Variants in BCAS3 observed in about 807,000 individuals in gnomAD.
The protein encoded by BCAS3 is BCAS3 microtubule associated cell migration factor.
In BCAS3, 53 loss-of-function variants were observed where a neutral mutation model predicts 116.1. That is an observed-to-expected ratio of 0.46 (90% CI 0.37 to 0.57). The LOEUF is 0.57. Ranked by LOEUF, BCAS3 falls within the 20% of genes least tolerant of loss-of-function variation. The pLI, the probability that BCAS3 is intolerant of heterozygous loss-of-function variation, is 0.00. For synonymous variants in BCAS3, 391 were observed against 408.2 expected (o/e 0.96, Z 0.51); for missense variants, 917 against 1,165.4 (o/e 0.79, Z 3.10).
rs571216756 is a variant in BCAS3, at chr17:61,318,236, T to A, written c.2426-50091T>A. ...TCAGCTCTTCATTTAAGATATAAGC[T>A]GTGGCCCAAAGTTACTGAGGGTTCT... On this transcript the variant is annotated intron_variant, in intron 22 of 23. Coordinates refer to ENST00000407086, the MANE Select transcript of BCAS3 (RefSeq NM_017679.5). Among the ~76,000 whole-genome samples, 3 of 152,208 alleles carry A rather than the reference T, an allele frequency of 2.0e-5. No individual in the cohort carries two copies. In the East Asian group the frequency reaches 5.8e-4, roughly 29 times the overall value.
chr17:60,807,781 CAAAA>C (rs75176396), intron 6 of BCAS3, among the ~76,000 whole-genome samples: 1 of 64,452 alleles, frequency 1.6e-5, no homozygotes, highest in Non-Finnish European at 3.3e-5. Flanking sequence ...GACTCTGTCT[CAAAA>C]AAAAAAAAAA....
At position 61,313,920 on chromosome 17, in the gene BCAS3, G is replaced by C. The variant is rs1602612242; in HGVS notation, c.2426-54407G>C. On this transcript the variant is annotated intron_variant, in intron 22 of 23. Coordinates refer to ENST00000407086, the MANE Select transcript of BCAS3 (RefSeq NM_017679.5). This position sits in a 1 kb window ranked among gnomAD's most constrained non-coding sequence, Gnocchi z 4.3. ...CCCCACTCGCCCGGCCCCATACTTA[G>C]TGCTGGCTCCAGAGTCTCGTGGGGG... is the stretch of plus-strand genomic sequence containing the variant. 6.6e-6 allele frequency among the ~76,000 whole-genome samples: 1 copy of C among 152,192 alleles called. No homozygotes were observed. Among genetic ancestry groups the C allele is most frequent in the South Asian group, 2.1e-4 (1 of 4,828 alleles).
chr17:61,120,623 AC>A (rs1568397049), intron 22 of BCAS3, among the ~76,000 whole-genome samples: 2 of 152,032 alleles, frequency 1.3e-5, no homozygotes, highest in African/African-American at 4.8e-5. Flanking sequence ...TTTATATGCT[AC>A]CCCGCTACTC....
Position 60,693,451 on chromosome 17 carries a change from C to A in BCAS3, c.214+3690C>A, listed in dbSNP as rs1006422930. Among the ~76,000 whole-genome samples, 118 of 151,614 alleles carry A rather than the reference C, an allele frequency of 7.8e-4. 1 individual carries two copies. The highest frequency in any genetic ancestry group is 1.2e-3 in the Non-Finnish European group (79 of 67,990). On this transcript the variant is annotated intron_variant, in intron 4 of 23. Coordinates refer to ENST00000407086, the MANE Select transcript of BCAS3 (RefSeq NM_017679.5). ...TTTGACAGAGTCTCACTTTTTCACC[C>A]AGGCTGGAGTGCAGTGGCCTGAACT...
intron 22 of BCAS3, among the ~76,000 whole-genome samples, chr17:61,266,456 A>G (rs547811459): frequency 1.3e-5 from 2 of 152,336 alleles, no homozygotes; most frequent in South Asian, 4.1e-4. Flanking sequence ...GGCTTGGGAA[A>G]GGGGAATTAG....
At position 61,021,618 on chromosome 17, in the gene BCAS3, C is replaced by T. The variant is rs912038692; in HGVS notation, c.1637+5717C>T. 2.0e-5 allele frequency among the ~76,000 whole-genome samples: 3 copies of T among 152,090 alleles called. No homozygotes were observed. The highest frequency in any genetic ancestry group is 7.2e-5 in the African/African-American group (3 of 41,416). ...ATGAGTTTCTACCAGTTCTTTGGTC[C>T]CATTTCTAAGCCTCAGGACTGTTGA... On this transcript the variant is annotated intron_variant, in intron 16 of 23. Transcript: ENST00000407086. This position sits in a 1 kb window ranked among gnomAD's most constrained non-coding sequence, Gnocchi z 4.6.
At chr17:60,806,912 T>C (rs1209004263) in intron 6 of BCAS3, among the ~76,000 whole-genome samples, 1 of 152,172 alleles carries the variant, frequency 6.6e-6, no homozygotes, top group South Asian at 2.1e-4. Flanking sequence ...TTTTGTATCC[T>C]GTAATATTGT....
intron 22 of BCAS3, among the ~76,000 whole-genome samples, chr17:61,234,384 C>A (rs2082869517): frequency 6.6e-6 from 1 of 152,188 alleles, no homozygotes; most frequent in African/African-American, 2.4e-5. Flanking sequence ...GGAGCCAGGT[C>A]TGAAGTACTC....
chr17:60,718,815 A>G (rs912404459), intron 5 of BCAS3, among the ~76,000 whole-genome samples: 5 of 152,188 alleles, frequency 3.3e-5, no homozygotes, highest in African/African-American at 9.6e-5. Flanking sequence ...TAATCTCAGC[A>G]CTTTGGGAGG....
At position 60,956,371 on chromosome 17, in the gene BCAS3, G is replaced by T. The variant is rs2061133200; in HGVS notation, c.1221+9019G>T. Among the ~76,000 whole-genome samples, 1 of 152,034 alleles carries T rather than the reference G, an allele frequency of 6.6e-6. No homozygotes were observed. Among genetic ancestry groups the T allele is most frequent in the South Asian group, 2.1e-4 (1 of 4,822 alleles). On this transcript the variant is annotated intron_variant, in intron 14 of 23. Transcript: ENST00000407086. This position sits in a 1 kb window ranked among gnomAD's most constrained non-coding sequence, Gnocchi z 4.2. Reference sequence around the variant, plus strand: ...TTAAATTTGATGAGCATTTTATCTAGAGTTAATATTTCACTGTGCTGCTGG... The same window carrying T: ...TTAAATTTGATGAGCATTTTATCTATAGTTAATATTTCACTGTGCTGCTGG...
chr17:60,915,506 C>G (rs2058734483), intron 12 of BCAS3, among the ~76,000 whole-genome samples: 1 of 151,810 alleles, frequency 6.6e-6, no homozygotes, highest in African/African-American at 2.4e-5. Context: ...TCATCCCACC[C>G]CATCCCTTTT....
At chr17:61,267,745 A>C (rs2049873821) in intron 22 of BCAS3, among the ~76,000 whole-genome samples, 1 of 151,936 alleles carries the variant, frequency 6.6e-6, no homozygotes, top group Non-Finnish European at 1.5e-5. Flanking sequence ...AAAGAAAAGA[A>C]AAGAAGAAAG....
intron 22 of BCAS3, among the ~76,000 whole-genome samples, chr17:61,086,151 C>T (rs1282984411): frequency 6.6e-6 from 1 of 152,174 alleles, no homozygotes; most frequent in Non-Finnish European, 1.5e-5. Context: ...TGCAGTGGCA[C>T]GATCTTGGCT....
intron 5 of BCAS3, among the ~76,000 whole-genome samples, chr17:60,728,631 C>T (rs751985108): frequency 2.6e-5 from 4 of 152,002 alleles, no homozygotes; most frequent in African/African-American, 4.8e-5. Flanking sequence ...AGGTGCCCGC[C>T]GCCATGCCCA....
At chr17:60,725,676 A>G (rs1405530458) in intron 5 of BCAS3, among the ~76,000 whole-genome samples, 1 of 152,190 alleles carries the variant, frequency 6.6e-6, no homozygotes, top group Non-Finnish European at 1.5e-5. Flanking sequence ...TACACATCCT[A>G]TAATATACAG....
intron 22 of BCAS3, chr17:61,135,859 ATACT>A (rs2073657507): frequency 6.6e-6 from 1 of 152,466 alleles, no homozygotes; most frequent in East Asian, 1.9e-4. Context: ...CGGCCTAAAG[ATACT>A]TACTGTCGGG....
At chr17:61,060,472 G>C (rs917054451) in intron 19 of BCAS3, among the ~76,000 whole-genome samples, 1 of 151,994 alleles carries the variant, frequency 6.6e-6, no homozygotes, top group Admixed American at 6.5e-5. Context: ...GATACATATA[G>C]TGTTATGTGG....
intron 23 of BCAS3, among the ~76,000 whole-genome samples, chr17:61,370,469 A>C (rs541473364): frequency 1.3e-5 from 2 of 151,822 alleles, no homozygotes; most frequent in African/African-American, 4.8e-5. Context: ...GCTCACTACA[A>C]CCTCCACCTC....
intron 3 of BCAS3, among the ~76,000 whole-genome samples, chr17:60,689,433 C>G (rs1456723922): frequency 2.6e-5 from 4 of 152,148 alleles, no homozygotes; most frequent in Non-Finnish European, 5.9e-5. Flanking sequence ...GCCTTGGCCT[C>G]CCAAAGTGCT....
Sources: allele counts gnomAD v4.1 joint callset (sites outside exome capture counted in the v4.1 genomes callset), GRCh38; gene constraint gnomAD v4.1.1; non-coding constraint Gnocchi (gnomAD v3.1); transcripts MANE v1.5; gene names NCBI Gene and HGNC (gene_info 2026-07-23, HGNC 2026-07-21).